Variants in PPP1R37 observed in about 807,000 individuals in gnomAD.
PPP1R37 encodes the protein leucine rich repeat containing 68.
Under a neutral mutation model 61.0 loss-of-function variants are expected in PPP1R37, and 21 were observed. That is an observed-to-expected ratio of 0.34 (90% CI 0.24 to 0.50). PPP1R37 has a LOEUF of 0.50. Ranked by LOEUF, PPP1R37 falls within the 20% of genes least tolerant of loss-of-function variation. The pLI is 0.98. For missense variants in PPP1R37, 910 were observed against 952.7 expected (o/e 0.96, Z 0.59); for synonymous variants, 443 against 433.5 (o/e 1.02, Z -0.27).
Position 45,146,494 on chromosome 19 carries a change from C to T in PPP1R37, c.*8+14C>T, listed in dbSNP as rs1169598611. The T allele has an allele frequency of 1.8e-5, 28 of 1,519,378 alleles. No homozygotes were observed. The highest frequency in any genetic ancestry group is 1.7e-4 in the East Asian group (7 of 40,782). 94.1% of individuals were successfully genotyped at this position (1,519,378 alleles called of 1,614,324 possible). On this transcript the variant is annotated intron_variant, in intron 12 of 12. Transcript: ENST00000221462. ...GTGACACTTTAGGTGAGGCCAGGCCCGGGGCCCACAGCACTCGGGAGGAGC... is the reference window on the plus strand; with the variant it reads ...GTGACACTTTAGGTGAGGCCAGGCCTGGGGCCCACAGCACTCGGGAGGAGC...
At chr19:45,113,888 G>C (rs1437213829) in intron 1 of PPP1R37, among the ~76,000 whole-genome samples, 1 of 152,206 alleles carries the variant, frequency 6.6e-6, no homozygotes, top group Non-Finnish European at 1.5e-5. Flanking sequence ...GCGTTTCAGA[G>C]CCCGGGGGCA....
At chr19:45,142,653 A>C in intron 7 of PPP1R37, 195 bp downstream of exon 7, 2 of 615,564 alleles carry the variant, frequency 3.2e-6, no homozygotes, top group Non-Finnish European at 5.6e-6. Context: ...GGTGGAGCCC[A>C]GAGGCGGGGT....
At chr19:45,138,267 A>C (rs912393786) in intron 1 of PPP1R37, among the ~76,000 whole-genome samples, 2 of 152,204 alleles carry the variant, frequency 1.3e-5, no homozygotes, top group African/African-American at 4.8e-5. Flanking sequence ...TATTTGTGTG[A>C]AGGTGCTTGG....
At chr19:45,095,849 C>A (rs1967986153) in intron 1 of PPP1R37, among the ~76,000 whole-genome samples, 1 of 151,900 alleles carries the variant, frequency 6.6e-6, no homozygotes. Context: ...AGTTTGGGAC[C>A]CGGGCACAGT....
intron 1 of PPP1R37, among the ~76,000 whole-genome samples, chr19:45,116,911 CTTTT>C (rs61317000): frequency 8.3e-6 from 1 of 121,064 alleles, no homozygotes; most frequent in Non-Finnish European, 1.7e-5. Flanking sequence ...GAGGAGGTGA[CTTTT>C]TTTTTTTTTT....
At chr19:45,135,229 C>T (rs1968524253) in intron 1 of PPP1R37, among the ~76,000 whole-genome samples, 2 of 152,048 alleles carry the variant, frequency 1.3e-5, no homozygotes, top group Non-Finnish European at 2.9e-5. Flanking sequence ...GCCTGGGCGA[C>T]AGAGTGAAAC....
chr19:45,145,469 G>A lies in PPP1R37; in HGVS notation c.1413G>A (p.Ser471=). 3 of 1,535,014 alleles carry A rather than the reference G, an allele frequency of 2.0e-6. No homozygotes were observed. The highest frequency in any genetic ancestry group is 2.4e-5 in the South Asian group (2 of 84,024). ...REEKEQPPQL[S]ASMPETTATE... is the part of the protein sequence containing the mutation. ...AGAAGGAGCAGCCGCCACAGCTGTC[G>A]GCCTCCATGCCTGAGACCACCGCCA... Residue 471 remains serine (S), a synonymous_variant, in exon 11 of 13, where the codon TCG becomes TCA. Transcript: ENST00000221462.
At chr19:45,141,489 CG>C in intron 5 of PPP1R37, 48 bp downstream of exon 5, 1 of 1,512,054 alleles carries the variant, frequency 6.6e-7, no homozygotes, top group Non-Finnish European at 8.8e-7. Context: ...GCTCCCAGCA[CG>C]GGGAGGCACT....
rs527529992 is a variant in PPP1R37 at position 45,103,234 on chromosome 19, C to T, written c.202+9707C>T. On this transcript the variant is annotated intron_variant, in intron 1 of 12. Coordinates refer to ENST00000221462, the MANE Select transcript of PPP1R37 (RefSeq NM_019121.2). ...CTTCCTCTAGGCAGCTGGTACTGAGCGGTTGCCTCAAGGTGGGGGTGGAGG... is the reference window on the plus strand; with the variant it reads ...CTTCCTCTAGGCAGCTGGTACTGAGTGGTTGCCTCAAGGTGGGGGTGGAGG... Among the ~76,000 whole-genome samples, 5 of 152,306 alleles carry T rather than the reference C, an allele frequency of 3.3e-5. No individual in the cohort carries two copies. The East Asian group carries it at 7.7e-4, about 24-fold the overall frequency.
chr19:45,105,130 A>G (rs1458217674), intron 1 of PPP1R37, among the ~76,000 whole-genome samples: 1 of 152,170 alleles, frequency 6.6e-6, no homozygotes, highest in Non-Finnish European at 1.5e-5. Context: ...CAGGTGGAGA[A>G]GGAAGTGGCA....
chr19:45,136,669 AG>A (rs550102093), intron 1 of PPP1R37, among the ~76,000 whole-genome samples: 2 of 152,228 alleles, frequency 1.3e-5, no homozygotes, highest in South Asian at 4.2e-4. Context: ...CCCAAGGAGG[AG>A]GAAGTGCTCA....
rs181318661 is a variant in PPP1R37 at position 45,096,926 on chromosome 19, G to T, written c.202+3399G>T. Among the ~76,000 whole-genome samples, 94 of 152,172 alleles carry T rather than the reference G, an allele frequency of 6.2e-4. No individual in the cohort carries two copies. The East Asian group carries it at 6.2e-3, about 10-fold the overall frequency. On this transcript the variant is annotated intron_variant, in intron 1 of 12. Coordinates refer to ENST00000221462, the MANE Select transcript of PPP1R37 (RefSeq NM_019121.2). ...GATCTTGGGCCTGGGCAGGGGAGGG[G>T]TCATTGGTGAAGTTGGTGAGTTTGG...
At chr19:45,116,203 C>T (rs551133650) in intron 1 of PPP1R37, among the ~76,000 whole-genome samples, 39 of 152,314 alleles carry the variant, frequency 2.6e-4, no homozygotes, top group Admixed American at 1.2e-3. Context: ...GTGTTCTGAC[C>T]GCATCTGTTT....
chr19:45,142,257 G>C (rs747665493), intron 6 of PPP1R37, 46 bp downstream of exon 6: 195 of 1,533,850 alleles, frequency 1.3e-4, no homozygotes, highest in Admixed American at 1.6e-4. Flanking sequence ...CAGCCTGTTG[G>C]GGGGCAGGGG....
intron 1 of PPP1R37, among the ~76,000 whole-genome samples, chr19:45,137,867 A>T (rs370865782): frequency 1.3e-5 from 2 of 151,766 alleles, no homozygotes; most frequent in Admixed American, 1.3e-4. Context: ...GACCAAGTAC[A>T]GTGGCTCATA....
chr19:45,142,291 C>A lies in PPP1R37; in HGVS notation c.719-12C>A. On this transcript the variant is annotated splice_polypyrimidine_tract_variant and intron_variant, in intron 6 of 12. Coordinates refer to ENST00000221462, the MANE Select transcript of PPP1R37 (RefSeq NM_019121.2). The stretch of plus-strand genomic sequence containing the variant: ...GGCCTGCCCAGTCACCGTGCCCCCT[C>A]CCCGTCCCCAGCCACGGCCCTGAAG... 6.5e-7 allele frequency: 1 copy of A among 1,535,740 alleles called. No individual in the cohort carries two copies. Among genetic ancestry groups the A allele is most frequent in the South Asian group, 1.2e-5 (1 of 84,038 alleles).
intron 1 of PPP1R37, among the ~76,000 whole-genome samples, chr19:45,120,088 G>A (rs2060252): frequency 4.4e-5 from 6 of 136,222 alleles, no homozygotes; most frequent in East Asian, 2.2e-4. Context: ...CGCGATCTCC[G>A]CTCACTGCAA....
intron 8 of PPP1R37, 44 bp from the exon 9 acceptor site, chr19:45,144,810 C>A (rs1036684125): frequency 4.7e-6 from 7 of 1,473,756 alleles, no homozygotes; most frequent in Non-Finnish European, 6.3e-6. Context: ...GGGTCTCCTC[C>A]GCCATCACGG....
intron 1 of PPP1R37, among the ~76,000 whole-genome samples, chr19:45,098,563 G>A (rs1193918633): frequency 1.3e-5 from 2 of 152,156 alleles, no homozygotes; most frequent in African/African-American, 2.4e-5. Context: ...TGAAGTCAAG[G>A]TGTCTGCAGG....
Sources: gnomAD v4.1 joint callset for allele counts (sites outside exome capture counted in the v4.1 genomes callset) on GRCh38, gnomAD v4.1.1 for gene constraint, MANE v1.5 for transcripts, NCBI Gene and HGNC (gene_info 2026-07-23, HGNC 2026-07-21) for gene names.